Variants in TACR1 observed in about 807,000 individuals in gnomAD.
TACR1 encodes substance-P receptor.
Under a neutral mutation model 35.8 loss-of-function variants are expected in TACR1, and 25 were observed. The observed-to-expected ratio is 0.70, with a 90% confidence interval of 0.51 to 0.98. The LOEUF is 0.98. TACR1 is among the 50% of genes least tolerant of loss of function. The probability of loss-of-function intolerance (pLI) is 0.00; values close to 1 mark genes in which losing one functional copy is unlikely to be tolerated. For missense variants in TACR1, 478 were observed against 522.9 expected (o/e 0.91, Z 0.84); for synonymous variants, 195 against 206.7 (o/e 0.94, Z 0.48).
At chr2:75,135,841 G>C (rs1674276624) in intron 1 of TACR1, among the ~76,000 whole-genome samples, 1 of 152,096 alleles carries the variant, frequency 6.6e-6, no homozygotes, top group African/African-American at 2.4e-5. Context: ...CTTGCAGGGG[G>C]ACCTTAAGAC....
Position 75,120,740 on chromosome 2 carries a change from G to A in TACR1, c.418C>T (p.Pro140Ser). The A allele has an allele frequency of 6.2e-7, 1 of 1,613,414 alleles. No individual in the cohort carries two copies. Among genetic ancestry groups the A allele is most frequent in the South Asian group, 1.1e-5 (1 of 90,962 alleles). The change falls in exon 2 of 5, where the codon CCC (proline) becomes TCC (serine). Residue 140 changes from proline to serine, a missense_variant. Pro to Ser is a moderately conservative substitution (Grantham distance 74). Transcript: ENST00000305249. ...TTGGTGGCTGTGGCTGACAGCCGGGGCTGGAGGGGATGTATGATGGCCATG... is the reference window on the plus strand; with the variant it reads ...TTGGTGGCTGTGGCTGACAGCCGGGACTGGAGGGGATGTATGATGGCCATG... ...RYMAIIHPLQ[P>S]RLSATATKVV... is the part of the protein sequence containing the mutation.
At chr2:75,052,612 A>G (rs1036549848) in intron 3 of TACR1, among the ~76,000 whole-genome samples, 7 of 152,198 alleles carry the variant, frequency 4.6e-5, no homozygotes, top group African/African-American at 1.7e-4. Context: ...AAATCTTGTC[A>G]ATTTTAAGTG....
At chr2:75,101,387 C>G (rs942956574) in intron 2 of TACR1, among the ~76,000 whole-genome samples, 3 of 152,008 alleles carry the variant, frequency 2.0e-5, no homozygotes, top group Non-Finnish European at 4.4e-5. Context: ...CACTGTGTAC[C>G]AGACACTGTG....
At chr2:75,114,191 C>T (rs1256293690) in intron 2 of TACR1, among the ~76,000 whole-genome samples, 1 of 152,170 alleles carries the variant, frequency 6.6e-6, no homozygotes, top group African/African-American at 2.4e-5. Flanking sequence ...AACATAGCCT[C>T]CTCTCCCACT....
At chr2:75,101,993 A>G (rs1226608562) in intron 2 of TACR1, among the ~76,000 whole-genome samples, 3 of 152,188 alleles carry the variant, frequency 2.0e-5, no homozygotes, top group Non-Finnish European at 1.5e-5. Flanking sequence ...AAGACATGCC[A>G]TATGGGTTGC....
At chr2:75,150,206 G>T (rs1334714550) in intron 1 of TACR1, among the ~76,000 whole-genome samples, 1 of 152,202 alleles carries the variant, frequency 6.6e-6, no homozygotes, top group Non-Finnish European at 1.5e-5. Flanking sequence ...TTAAAAAGGT[G>T]AATGACATTG....
intron 1 of TACR1, among the ~76,000 whole-genome samples, chr2:75,176,480 CT>C (rs1675422697): frequency 6.6e-6 from 1 of 152,132 alleles, no homozygotes; most frequent in Non-Finnish European, 1.5e-5. Context: ...TAAAACTCCT[CT>C]GAGCCTATCC....
chr2:75,159,161 T>C (rs1674941003), intron 1 of TACR1, among the ~76,000 whole-genome samples: 1 of 152,116 alleles, frequency 6.6e-6, no homozygotes. Context: ...GGCTGGCAAC[T>C]AATTTTAGGT....
chr2:75,107,002 G>A (rs993729058), intron 2 of TACR1, among the ~76,000 whole-genome samples: 2 of 151,748 alleles, frequency 1.3e-5, no homozygotes, highest in Admixed American at 6.6e-5. Context: ...TATACTGTAT[G>A]TAAGAGGAAT....
At chr2:75,133,380 A>T (rs1046901634) in intron 1 of TACR1, among the ~76,000 whole-genome samples, 2 of 152,172 alleles carry the variant, frequency 1.3e-5, no homozygotes, top group Admixed American at 6.5e-5. Flanking sequence ...AGAATACAGG[A>T]AGATATAAAG....
At chr2:75,152,230 G>A (rs1237098179) in intron 1 of TACR1, among the ~76,000 whole-genome samples, 1 of 152,096 alleles carries the variant, frequency 6.6e-6, no homozygotes, top group Non-Finnish European at 1.5e-5. Flanking sequence ...AGATCTGTAG[G>A]GCCCAGGGGC....
intron 1 of TACR1, among the ~76,000 whole-genome samples, chr2:75,149,433 TCTC>T (rs1457809275): frequency 6.6e-6 from 1 of 152,148 alleles, no homozygotes; most frequent in African/African-American, 2.4e-5. Flanking sequence ...GGTTTGTAGT[TCTC>T]CTTGAAGAGA....
intron 2 of TACR1, among the ~76,000 whole-genome samples, chr2:75,058,522 G>C (rs1672613827): frequency 6.6e-6 from 1 of 152,198 alleles, no homozygotes; most frequent in Non-Finnish European, 1.5e-5. Flanking sequence ...AACAGCAACA[G>C]CAAGAGACAG....
chr2:75,198,919 G>C lies in TACR1; in HGVS notation c.16C>G (p.Pro6Ala). The change falls in exon 1 of 5, where the codon CCG (proline) becomes GCG (alanine). Residue 6 changes from proline (P) to alanine (A), a missense_variant. Physicochemically the swap from Pro to Ala is conservative, Grantham distance 27. Coordinates refer to ENST00000305249, the MANE Select transcript of TACR1 (RefSeq NM_001058.4). Reference sequence around the variant, plus strand: ...TTTGGGGAGAGGTCTGAGTCCACCGGGAGGACGTTATCCATTTCGAAGCTA... The same window carrying C: ...TTTGGGGAGAGGTCTGAGTCCACCGCGAGGACGTTATCCATTTCGAAGCTA... MDNVL[P>A]VDSDLSPNIS... is the part of the protein sequence containing the mutation. The C allele has an allele frequency of 6.2e-7, 1 of 1,613,408 alleles. No homozygotes were observed. Among genetic ancestry groups the C allele is most frequent in the South Asian group, 1.1e-5 (1 of 91,018 alleles).
intron 2 of TACR1, among the ~76,000 whole-genome samples, chr2:75,055,938 A>T (rs114370721): frequency 6.6e-6 from 1 of 152,358 alleles, no homozygotes; most frequent in East Asian, 1.9e-4. Context: ...TCTTAGGCCA[A>T]CGGTTCTCAA....
At chr2:75,107,079 T>C (rs749519144) in intron 2 of TACR1, among the ~76,000 whole-genome samples, 1 of 151,854 alleles carries the variant, frequency 6.6e-6, no homozygotes, top group Non-Finnish European at 1.5e-5. Context: ...GATGAAAAAG[T>C]ATAAGTAAAC....
chr2:75,068,578 A>G (rs72807349), intron 2 of TACR1, among the ~76,000 whole-genome samples: 4,273 of 152,290 alleles, frequency 0.028, 219 homozygotes, highest in African/African-American at 0.098. Flanking sequence ...ACACTGATAC[A>G]GTGTTTCCTA....
At chr2:75,181,553 T>C (rs772324961) in intron 1 of TACR1, among the ~76,000 whole-genome samples, 2 of 152,216 alleles carry the variant, frequency 1.3e-5, no homozygotes, top group Non-Finnish European at 2.9e-5. Flanking sequence ...TTTGCTCTTC[T>C]GAGTATGAAA....
rs1026130972 is a variant in TACR1, at chr2:75,121,225, C to T, written c.390-457G>A. 1.1e-4 allele frequency among the ~76,000 whole-genome samples: 17 copies of T among 152,272 alleles called. No individual in the cohort carries two copies. In the South Asian group the frequency reaches 1.7e-3, roughly 15 times the overall value. ...TTATAAAAGATTAGCAGTCCTACCT[C>T]GGTCCATACAATTTGAGGGGAAGTA... is the stretch of plus-strand genomic sequence containing the variant. On this transcript the variant is annotated intron_variant, in intron 1 of 4. Transcript: ENST00000305249.
Sources: allele counts gnomAD v4.1 joint callset (sites outside exome capture counted in the v4.1 genomes callset), GRCh38; gene constraint gnomAD v4.1.1; transcripts MANE v1.5; gene names NCBI Gene and HGNC (gene_info 2026-07-23, HGNC 2026-07-21).